PLEKHS1: variants seen among roughly 807,000 people sequenced by gnomAD.
PLEKHS1 encodes the protein pleckstrin homology domain-containing family S member 1.
In PLEKHS1, 55 loss-of-function variants were observed where a neutral mutation model predicts 51.0. The ratio of observed to expected loss-of-function variants is 1.08; its 90% CI spans 0.87 to 1.35. PLEKHS1 has a LOEUF of 1.35. Ranked by LOEUF, PLEKHS1 falls within the 40% of genes most tolerant of loss-of-function variation. The pLI is 0.00. For synonymous variants in PLEKHS1, 153 were observed against 144.8 expected (o/e 1.06, Z -0.41); for missense variants, 398 against 423.0 (o/e 0.94, Z 0.52).
chr10:113,766,251 T>C (rs563734982), intron 2 of PLEKHS1, among the ~76,000 whole-genome samples, 160 bp from the exon 3 acceptor site: 5 of 152,322 alleles, frequency 3.3e-5, no homozygotes, highest in African/African-American at 9.6e-5. Flanking sequence ...ATAAGAATCA[T>C]ACATTTGGTC....
intron 7 of PLEKHS1, among the ~76,000 whole-genome samples, chr10:113,770,790 C>T (rs1844368090): frequency 6.6e-6 from 1 of 152,136 alleles, no homozygotes; most frequent in South Asian, 2.1e-4. Flanking sequence ...ATCTCCCTCC[C>T]CCTAGAGATA....
intron 7 of PLEKHS1, among the ~76,000 whole-genome samples, chr10:113,770,396 T>C (rs1251082451): frequency 6.6e-6 from 1 of 152,222 alleles, no homozygotes; most frequent in Non-Finnish European, 1.5e-5. Context: ...TTTGAAGACA[T>C]AAAATATAAT....
At chr10:113,760,569 T>C (rs546027307) in intron 2 of PLEKHS1, among the ~76,000 whole-genome samples, 2 of 152,368 alleles carry the variant, frequency 1.3e-5, no homozygotes, top group South Asian at 4.1e-4. Context: ...CTAAATGTAT[T>C]GCACAGCTTT....
intron 2 of PLEKHS1, among the ~76,000 whole-genome samples, chr10:113,762,992 T>TA (rs1042367934): frequency 5.3e-5 from 8 of 152,080 alleles, no homozygotes; most frequent in Non-Finnish European, 1.2e-4. Flanking sequence ...ATCCAAAATT[T>TA]AAAAAATCAA....
In PLEKHS1 at chr10:113,779,676, A is replaced by G. The variant is rs192535816; in HGVS notation, c.*-926A>G. ...ACTACTCTGACCCAAAGATCCAGGCATTAATTCAGAAGCCAAGAAAAGGGT... is the reference window on the plus strand; with the variant it reads ...ACTACTCTGACCCAAAGATCCAGGCGTTAATTCAGAAGCCAAGAAAAGGGT... On this transcript the variant is annotated intron_variant, in intron 11 of 11. Coordinates refer to ENST00000361048, the Ensembl canonical transcript of PLEKHS1. Among the ~76,000 whole-genome samples, 189 of 152,314 alleles carry G rather than the reference A, an allele frequency of 1.2e-3. 1 individual carries two copies. The highest frequency in any genetic ancestry group is 4.5e-3 in the African/African-American group (186 of 41,576).
chr10:113,760,477 A>T (rs1184508610), intron 2 of PLEKHS1, among the ~76,000 whole-genome samples: 1 of 152,206 alleles, frequency 6.6e-6, no homozygotes, highest in South Asian at 2.1e-4. Context: ...TACATCTCAA[A>T]AAAAAAAGAA....
intron 8 of PLEKHS1, among the ~76,000 whole-genome samples, chr10:113,773,943 T>C (rs781094325): frequency 6.6e-6 from 1 of 152,184 alleles, no homozygotes; most frequent in Non-Finnish European, 1.5e-5. Flanking sequence ...AAGTGCCGAA[T>C]GGTGAAACAG....
intron 11 of PLEKHS1, 101 bp downstream of exon 12, chr10:113,777,360 G>A: frequency 2.5e-6 from 4 of 1,608,612 alleles, no homozygotes; most frequent in Non-Finnish European, 3.4e-6. Context: ...ATACAAATAA[G>A]GTTCCTCATT....
rs776249839 is a variant in PLEKHS1 at position 113,774,822 on chromosome 10, C to A, written c.780-4C>A. On this transcript the variant is annotated splice_polypyrimidine_tract_variant and splice_region_variant and intron_variant, in intron 9 of 11. Coordinates refer to ENST00000361048, the Ensembl canonical transcript of PLEKHS1. ...AGGGCTTGTTTTAACTTCTTATGCT[C>A]TAGTTTTTTCAAAGAGACATCCCAT... The A allele has an allele frequency of 9.3e-6, 15 of 1,612,576 alleles. No homozygotes were observed. Among genetic ancestry groups the A allele is most frequent in the Non-Finnish European group, 1.1e-5 (13 of 1,178,842 alleles).
chr10:113,758,204 T>C (rs1035136531), intron 2 of PLEKHS1, among the ~76,000 whole-genome samples: 9 of 152,352 alleles, frequency 5.9e-5, no homozygotes, highest in Middle Eastern at 3.4e-3. Flanking sequence ...CAATTAACTT[T>C]GCCCAGATCC....
chr10:113,776,103 A>G (rs749694947), intron 11 of PLEKHS1, among the ~76,000 whole-genome samples: 1 of 152,188 alleles, frequency 6.6e-6, no homozygotes, highest in Non-Finnish European at 1.5e-5. Flanking sequence ...AAGTTCAGGA[A>G]GCAGCCATTT....
chr10:113,778,311 T>A (rs1364635144), intron 11 of PLEKHS1, among the ~76,000 whole-genome samples: 1 of 152,214 alleles, frequency 6.6e-6, no homozygotes, highest in Non-Finnish European at 1.5e-5. Context: ...TTATCTTTTA[T>A]CTTTTATGAA....
intron 1 of PLEKHS1, among the ~76,000 whole-genome samples, chr10:113,754,409 C>T (rs978581906): frequency 9.2e-5 from 14 of 152,192 alleles, no homozygotes; most frequent in Non-Finnish European, 1.6e-4. Flanking sequence ...AGTCCCTTCT[C>T]TCCATCCTAT....
chr10:113,765,515 C>T (rs780877168), intron 2 of PLEKHS1: 12 of 658,200 alleles, frequency 1.8e-5, no homozygotes, highest in Middle Eastern at 2.4e-4. Flanking sequence ...GTATATATTG[C>T]CCTTTGGCTT....
At chr10:113,765,348 C>T (rs1295512353) in intron 2 of PLEKHS1, 1 of 779,408 alleles carries the variant, frequency 1.3e-6, no homozygotes, top group East Asian at 2.4e-5. Flanking sequence ...GAGTACTCTA[C>T]CCAATGCCCT....
At chr10:113,777,153 T>G (rs747006790) in intron 11 of PLEKHS1, 3 of 1,612,748 alleles carry the variant, frequency 1.9e-6, no homozygotes, top group Non-Finnish European at 2.5e-6. Context: ...CCCCCACGTT[T>G]GGGATGCATA....
chr10:113,758,901 C>A (rs1843794017), intron 2 of PLEKHS1, among the ~76,000 whole-genome samples: 1 of 151,980 alleles, frequency 6.6e-6, no homozygotes, highest in Non-Finnish European at 1.5e-5. Flanking sequence ...TGAGATATTG[C>A]AAGAATTGCC....
downstream of PLEKHS1, chr10:113,783,063 C>G (rs547379798): frequency 2.6e-5 from 4 of 152,236 alleles, no homozygotes; most frequent in South Asian, 8.3e-4. Flanking sequence ...TGGAGAAACC[C>G]TGTCTCTACT....
intron 2 of PLEKHS1, among the ~76,000 whole-genome samples, chr10:113,761,679 T>C (rs957062388): frequency 6.6e-6 from 1 of 152,142 alleles, no homozygotes; most frequent in Non-Finnish European, 1.5e-5. Context: ...CTTTGGGATT[T>C]TTAACATATG....
Sources: allele counts gnomAD v4.1 joint callset (sites outside exome capture counted in the v4.1 genomes callset), GRCh38; gene constraint gnomAD v4.1.1; transcripts MANE v1.5; gene names NCBI Gene and HGNC (gene_info 2026-07-23, HGNC 2026-07-21).